The following MRPL14 variants were observed in gnomAD, a reference collection of about 807,000 sequenced individuals.
MRPL14 encodes large ribosomal subunit protein uL14m.
MRPL14 carries 8 observed loss-of-function variants against 10.9 expected under a neutral mutation model. The observed-to-expected ratio is 0.74, with a 90% CI of 0.43 to 1.33. MRPL14 has a LOEUF of 1.33. Among genes scored for constraint, MRPL14 ranks in the 40% most tolerant of loss-of-function variants. MRPL14 has a pLI of 0.01. For missense variants in MRPL14, 179 were observed against 194.5 expected (o/e 0.92, Z 0.47); for synonymous variants, 82 against 74.1 (o/e 1.11, Z -0.54).
At position 44,113,473 on chromosome 6, in the gene MRPL14, T is replaced by C. The variant is rs1212951259; in HGVS notation, c.*370A>G. On this transcript the variant is annotated 3_prime_UTR_variant, in exon 3 of 3. Coordinates refer to ENST00000372014, the MANE Select transcript of MRPL14 (RefSeq NM_032111.4). ...ATCTTTTGGTTAGAGCCATGGTACATTTATAAATTGGCATTTGGTGTGTAC... is the reference window on the plus strand; with the variant it reads ...ATCTTTTGGTTAGAGCCATGGTACACTTATAAATTGGCATTTGGTGTGTAC... 5.7e-6 allele frequency: 1 copy of C among 174,008 alleles called. No homozygotes were observed. The highest frequency in any genetic ancestry group is 2.4e-5 in the African/African-American group (1 of 42,382). 10.8% of individuals were successfully genotyped at this position (174,008 alleles called of 1,614,324 possible).
chr6:44,124,875 AC>A (rs535874194), intron 1 of MRPL14, among the ~76,000 whole-genome samples: 4 of 151,978 alleles, frequency 2.6e-5, no homozygotes, highest in Non-Finnish European at 5.9e-5. Context: ...GCTTTTCGAG[AC>A]CCCCCCTACA....
intron 2 of MRPL14, among the ~76,000 whole-genome samples, chr6:44,115,273 A>G (rs908808499): frequency 6.6e-6 from 1 of 151,866 alleles, no homozygotes; most frequent in African/African-American, 2.4e-5. Context: ...CCTCTCTTCT[A>G]TATTCTAGTT....
chr6:44,118,350 C>T (rs995324096), intron 1 of MRPL14, among the ~76,000 whole-genome samples: 13 of 152,150 alleles, frequency 8.5e-5, no homozygotes, highest in South Asian at 2.1e-4. Flanking sequence ...GCACTCATTA[C>T]CTATTAGCTA....
At chr6:44,120,491 C>G (rs569584389) in intron 1 of MRPL14, among the ~76,000 whole-genome samples, 2 of 152,274 alleles carry the variant, frequency 1.3e-5, no homozygotes, top group African/African-American at 2.4e-5. Context: ...GGAAGCACTT[C>G]CCAATTCAGT....
At chr6:44,115,484 G>A (rs184346157) in intron 2 of MRPL14, among the ~76,000 whole-genome samples, 1 of 152,154 alleles carries the variant, frequency 6.6e-6, no homozygotes, top group East Asian at 1.9e-4. Context: ...ACCAAGTCCT[G>A]TTAATATCAC....
intron 1 of MRPL14, among the ~76,000 whole-genome samples, chr6:44,121,834 C>A (rs933134032): frequency 1.8e-4 from 27 of 152,046 alleles, no homozygotes; most frequent in Middle Eastern, 6.8e-3. Flanking sequence ...CAGCTACAGC[C>A]CGGCTGAGGC....
intron 1 of MRPL14, among the ~76,000 whole-genome samples, chr6:44,124,516 C>T (rs1421519831): frequency 6.6e-6 from 1 of 152,230 alleles, no homozygotes; most frequent in African/African-American, 2.4e-5. Flanking sequence ...ATTCTCAGGG[C>T]AGCACCATAG....
At chr6:44,117,057 A>G (rs777716198) in intron 1 of MRPL14, among the ~76,000 whole-genome samples, 2 of 151,492 alleles carry the variant, frequency 1.3e-5, no homozygotes, top group Non-Finnish European at 2.9e-5. Flanking sequence ...TTAACTCCCT[A>G]AAAGAAAGTA....
Position 44,113,815 on chromosome 6 carries a change from G to A in MRPL14, c.*28C>T. 1 of 1,528,526 alleles carries A rather than the reference G, an allele frequency of 6.5e-7. No individual in the cohort carries two copies. Among genetic ancestry groups the A allele is most frequent in the Non-Finnish European group, 8.8e-7 (1 of 1,136,530 alleles). 94.7% of individuals were successfully genotyped at this position (1,528,526 alleles called of 1,614,324 possible). On this transcript the variant is annotated 3_prime_UTR_variant, in exon 3 of 3. Transcript: ENST00000372014. ...GTTCTCAGAACTGCTCCATTCACGAGTCCTGCAACCAGAGGCCTGGGCTCA... is the reference window on the plus strand; with the variant it reads ...GTTCTCAGAACTGCTCCATTCACGAATCCTGCAACCAGAGGCCTGGGCTCA...
intron 2 of MRPL14, 40 bp downstream of exon 2, chr6:44,116,501 C>T (rs1775864233): frequency 6.3e-7 from 1 of 1,596,842 alleles, no homozygotes; most frequent in Non-Finnish European, 8.6e-7. Flanking sequence ...AGGAAGCTTA[C>T]ACAAAGACAC....
At chr6:44,124,133 T>C (rs1776706452) in intron 1 of MRPL14, among the ~76,000 whole-genome samples, 1 of 152,178 alleles carries the variant, frequency 6.6e-6, no homozygotes, top group Non-Finnish European at 1.5e-5. Context: ...AGTACCTCCA[T>C]TGGGCCAGGT....
rs1775571710 is a variant in MRPL14 at position 44,113,864 on chromosome 6, G to A, written c.417C>T (p.Ala139=). 6.3e-7 allele frequency: 1 copy of A among 1,580,484 alleles called. No individual in the cohort carries two copies. The change falls in exon 3 of 3, where the codon GCC becomes GCT. Residue 139 remains alanine, a synonymous_variant. Coordinates refer to ENST00000372014, the MANE Select transcript of MRPL14 (RefSeq NM_032111.4). ...KREGEYSKVL[A]IAQNFV ...CAACTCACACAAAGTTCTGAGCAAT[G>A]GCCAGCACCTTGGAATACTCGCCTT...
chr6:44,125,559 G>C (rs988092891), intron 1 of MRPL14, among the ~76,000 whole-genome samples: 1 of 150,524 alleles, frequency 6.6e-6, no homozygotes, highest in African/African-American at 2.4e-5. Flanking sequence ...GGGAGGCTGA[G>C]GCATAAGAAT....
chr6:44,124,935 G>A (rs1422543515), intron 1 of MRPL14, among the ~76,000 whole-genome samples: 1 of 152,144 alleles, frequency 6.6e-6, no homozygotes, highest in Non-Finnish European at 1.5e-5. Flanking sequence ...TCCACCTTAG[G>A]TGTGCCCAGG....
intron 2 of MRPL14, among the ~76,000 whole-genome samples, chr6:44,115,966 G>A (rs776992429): frequency 1.3e-5 from 2 of 152,148 alleles, no homozygotes; most frequent in Non-Finnish European, 2.9e-5. Flanking sequence ...TGCTCCTGTG[G>A]CTGACAGTGA....
chr6:44,115,312 T>TAC (rs2128192739), intron 2 of MRPL14, among the ~76,000 whole-genome samples: 1 of 152,220 alleles, frequency 6.6e-6, no homozygotes, highest in Admixed American at 6.5e-5. Context: ...CTCAACTCCC[T>TAC]ACAACATGCT....
rs776295466 is a variant in MRPL14, at chr6:44,113,999, G to A, written c.282C>T (p.Pro94=). The change falls in exon 3 of 3, where the codon CCC becomes CCT. Residue 94 remains proline, a synonymous_variant. Transcript: ENST00000372014. ...ALIVGHCMPG[P]RMTPRFDSNN... ...TGGAGTCGAATCTGGGGGTCATTCG[G>A]GGGCCAGGCATGCAGTGCCCCACAA... The A allele has an allele frequency of 1.3e-4, 214 of 1,614,128 alleles. 1 individual carries two copies. The highest frequency in any genetic ancestry group is 1.3e-3 in the Middle Eastern group (8 of 6,060).
intron 1 of MRPL14, among the ~76,000 whole-genome samples, chr6:44,118,686 C>A (rs370740675): frequency 6.6e-6 from 1 of 152,158 alleles, no homozygotes; most frequent in Non-Finnish European, 1.5e-5. Context: ...ACCTCATGGC[C>A]GGGCACGGTG....
chr6:44,114,089 A>C lies in MRPL14; in HGVS notation c.192T>G (p.Asn64Lys), dbSNP rs1002835070. ...APRCIHVYKK[N>K]GVGKVGDQIL... is the part of the protein sequence containing the mutation. ...TCTGGTCGCCCACCTTGCCCACTCC[A>C]TTCTTCTTATAGACATGGATGCAGC... Residue 64 changes from asparagine (N) to lysine (K), a missense_variant, in exon 3 of 3, where the codon AAT becomes AAG. Transcript: ENST00000372014. The C allele has an allele frequency of 1.5e-5, 25 of 1,613,864 alleles. No homozygotes were observed. In the East Asian group the frequency reaches 4.7e-4, roughly 30 times the overall value.
Sources: allele counts gnomAD v4.1 joint callset (sites outside exome capture counted in the v4.1 genomes callset), GRCh38; gene constraint gnomAD v4.1.1; transcripts MANE v1.5; gene names NCBI Gene and HGNC (gene_info 2026-07-23, HGNC 2026-07-21).